WIPF1: variants seen among roughly 807,000 people sequenced by gnomAD.
WIPF1 encodes WAS/WASL-interacting protein family member 1.
Under a neutral mutation model 35.4 loss-of-function variants are expected in WIPF1, and 13 were observed. The observed-to-expected ratio is 0.37, with a 90% CI of 0.24 to 0.58. The LOEUF is 0.58. WIPF1 is among the 20% of genes least tolerant of loss of function. WIPF1 has a pLI of 0.74. For synonymous variants in WIPF1, 267 were observed against 266.3 expected (o/e 1.00, Z -0.02); for missense variants, 591 against 667.0 (o/e 0.89, Z 1.25).
intron 1 of WIPF1, among the ~76,000 whole-genome samples, chr2:174,681,926 A>C (rs1688255388): frequency 1.3e-5 from 2 of 152,258 alleles, no homozygotes; most frequent in Admixed American, 6.5e-5. Context: ...AAGAGCTCAA[A>C]GTCTAACCAA....
intron 3 of WIPF1, among the ~76,000 whole-genome samples, chr2:174,576,898 CA>C (rs1279514228): frequency 1.3e-5 from 2 of 152,068 alleles, no homozygotes; most frequent in Admixed American, 6.6e-5. Context: ...GTCCTCTTCC[CA>C]AAAAACTATG....
intron 1 of WIPF1, among the ~76,000 whole-genome samples, chr2:174,658,170 G>A (rs1375364475): frequency 2.6e-5 from 4 of 152,134 alleles, no homozygotes; most frequent in Admixed American, 2.6e-4. Context: ...TTCTAGGAGA[G>A]AGAAGAAGCT....
chr2:174,617,170 G>A (rs1686531547), intron 1 of WIPF1, among the ~76,000 whole-genome samples: 1 of 152,084 alleles, frequency 6.6e-6, no homozygotes, highest in Non-Finnish European at 1.5e-5. Flanking sequence ...TTCAAGCTGG[G>A]TACAAGCAGC....
intron 2 of WIPF1, 117 bp downstream of exon 2, chr2:174,585,406 G>A (rs567076781): frequency 2.8e-6 from 3 of 1,072,956 alleles, no homozygotes; most frequent in Non-Finnish European, 2.8e-6. Flanking sequence ...GGGAAAGCCT[G>A]TTGTATCACA....
At chr2:174,596,587 T>C (rs1239037293) in intron 1 of WIPF1, among the ~76,000 whole-genome samples, 1 of 152,202 alleles carries the variant, frequency 6.6e-6, no homozygotes, top group East Asian at 1.9e-4. Flanking sequence ...CTACTACATA[T>C]ACTAGTTATG....
intron 1 of WIPF1, among the ~76,000 whole-genome samples, chr2:174,615,501 CAA>C (rs1438946518): frequency 6.6e-6 from 1 of 151,752 alleles, no homozygotes; most frequent in Admixed American, 6.6e-5. Context: ...ATTTTTATGA[CAA>C]AAGCAATTTA....
chr2:174,578,134 G>C (rs1162473366), intron 3 of WIPF1, among the ~76,000 whole-genome samples: 1 of 152,008 alleles, frequency 6.6e-6, no homozygotes, highest in African/African-American at 2.4e-5. Flanking sequence ...CAGCATCCCT[G>C]GCCTCTACCC....
chr2:174,588,046 A>G (rs183518471), intron 1 of WIPF1, among the ~76,000 whole-genome samples: 45 of 152,320 alleles, frequency 3.0e-4, no homozygotes, highest in African/African-American at 9.9e-4. Flanking sequence ...GGGGTCCTCC[A>G]TCAAGGGGCA....
At chr2:174,660,404 G>C (rs1292186585) in intron 1 of WIPF1, among the ~76,000 whole-genome samples, 1 of 152,192 alleles carries the variant, frequency 6.6e-6, no homozygotes, top group Admixed American at 6.5e-5. Flanking sequence ...CATAGTAGGT[G>C]CTCTATAAAC....
chr2:174,598,985 A>C (rs76117577), upstream of WIPF1, among the ~76,000 whole-genome samples: 1,866 of 152,332 alleles, frequency 0.012, 48 homozygotes, highest in African/African-American at 0.042. Context: ...CTCTGAGAAA[A>C]CAGTAACAGT....
intron 7 of WIPF1, among the ~76,000 whole-genome samples, chr2:174,565,410 A>G (rs1407478722): frequency 6.6e-6 from 1 of 152,222 alleles, no homozygotes; most frequent in African/African-American, 2.4e-5. Context: ...CTACAGAGGC[A>G]CAAAGCACAG....
At position 174,642,658 on chromosome 2, in the gene WIPF1, T is replaced by C. The variant is rs1360931141; in HGVS notation, c.-39+40116A>G. 1.4e-5 allele frequency among the ~76,000 whole-genome samples: 2 copies of C among 139,470 alleles called. 1 individual carries two copies. Among genetic ancestry groups the C allele is most frequent in the African/African-American group, 6.7e-5 (2 of 30,054 alleles). The allele number at this position is 139,470 out of a possible 152,430, so 91.5% of individuals were successfully genotyped here. A position where few individuals can be genotyped will look rare whatever the true frequency, so the allele number is the denominator to read the frequency against. On this transcript the variant is annotated intron_variant, in intron 1 of 8. Transcript: ENST00000272746. ...CGCCGCGCCCGGCCTTTTTTGTTGT[T>C]GTTGTTGTTGAGACTGGGTCTCCCT...
rs11482 is a variant in WIPF1 at position 174,559,727 on chromosome 2, T to G, written c.*2820A>C. 0.056 allele frequency: 8,527 copies of G among 152,672 alleles called. 274 individuals carry two copies. Among genetic ancestry groups the G allele is most frequent in the Middle Eastern group, 0.17 (50 of 294 alleles). 9.5% of individuals were successfully genotyped at this position (152,672 alleles called of 1,614,324 possible). The stretch of plus-strand genomic sequence containing the variant: ...TATGAAAAAAAAGTTTTTCTTCCTC[T>G]ACGGTCCTTGACTATAAGGAGGGAA... On this transcript the variant is annotated 3_prime_UTR_variant, in exon 8 of 8. Transcript: ENST00000679041.
intron 1 of WIPF1, among the ~76,000 whole-genome samples, chr2:174,628,725 A>G (rs1469317860): frequency 6.6e-6 from 1 of 152,216 alleles, no homozygotes; most frequent in Non-Finnish European, 1.5e-5. Context: ...TTATGTCACC[A>G]GTGTGTAGCC....
At chr2:174,677,430 G>C (rs1448569134) in intron 1 of WIPF1, among the ~76,000 whole-genome samples, 2 of 152,220 alleles carry the variant, frequency 1.3e-5, no homozygotes, top group African/African-American at 2.4e-5. Context: ...ATCTAACAAG[G>C]AAGAAGAGAT....
At chr2:174,655,125 A>G (rs1687615112) in intron 1 of WIPF1, among the ~76,000 whole-genome samples, 1 of 152,118 alleles carries the variant, frequency 6.6e-6, no homozygotes, top group African/African-American at 2.4e-5. Context: ...TGGCTGCCCA[A>G]GCCAGAAATC....
chr2:174,587,125 C>T (rs529099617), intron 1 of WIPF1, among the ~76,000 whole-genome samples: 60 of 152,070 alleles, frequency 3.9e-4, no homozygotes, highest in Non-Finnish European at 6.3e-4. Context: ...TCCTGCCTCA[C>T]TCCTGAGTAG....
At chr2:174,586,643 C>T (rs1188238258) in intron 1 of WIPF1, among the ~76,000 whole-genome samples, 1 of 152,140 alleles carries the variant, frequency 6.6e-6, no homozygotes, top group African/African-American at 2.4e-5. Flanking sequence ...GTTCCTTCGC[C>T]TCACTAGAAC....
chr2:174,648,230 T>C (rs890350345), intron 1 of WIPF1, among the ~76,000 whole-genome samples: 2 of 152,310 alleles, frequency 1.3e-5, no homozygotes, highest in East Asian at 3.9e-4. Context: ...ATTATTTTGT[T>C]TGCCTTCAAT....
Sources: allele counts gnomAD v4.1 joint callset (sites outside exome capture counted in the v4.1 genomes callset), GRCh38; gene constraint gnomAD v4.1.1; transcripts MANE v1.5; gene names NCBI Gene and HGNC (gene_info 2026-07-23, HGNC 2026-07-21).